Variants in ROPN1L observed in about 807,000 individuals in gnomAD.
ROPN1L encodes rhophilin associated tail protein 1 like.
ROPN1L carries 23 observed loss-of-function variants against 22.7 expected under a neutral mutation model. The ratio of observed to expected loss-of-function variants is 1.01; its 90% CI spans 0.73 to 1.43. The LOEUF is 1.43. Ranked by LOEUF, ROPN1L falls within the 40% of genes most tolerant of loss-of-function variation. ROPN1L has a pLI of 0.00. For synonymous variants in ROPN1L, 116 were observed against 117.8 expected, an observed-to-expected ratio of 0.98 and a Z score of 0.10; for missense variants, 271 against 291.5, an observed-to-expected ratio of 0.93 and a Z score of 0.51.
chr5:10,451,399 C>A (rs1741246975), intron 3 of ROPN1L, among the ~76,000 whole-genome samples: 1 of 152,238 alleles, frequency 6.6e-6, no homozygotes, highest in Non-Finnish European at 1.5e-5. Flanking sequence ...GAAGTTCCTG[C>A]TTCTCGCTTC....
At chr5:10,456,651 G>T (rs773181477) in intron 3 of ROPN1L, among the ~76,000 whole-genome samples, 4 of 152,178 alleles carry the variant, frequency 2.6e-5, no homozygotes, top group Non-Finnish European at 5.9e-5. Context: ...CCACCCACAG[G>T]CCTTTGGAAT....
chr5:10,469,737 C>T (rs1015262899), downstream of ROPN1L, among the ~76,000 whole-genome samples: 1 of 152,160 alleles, frequency 6.6e-6, no homozygotes, highest in African/African-American at 2.4e-5. Context: ...TATTTGTTGG[C>T]TTCTGTATTT....
chr5:10,454,970 C>T, intron 3 of ROPN1L, among the ~76,000 whole-genome samples: 1 of 152,192 alleles, frequency 6.6e-6, no homozygotes, highest in Non-Finnish European at 1.5e-5. Context: ...GTTAGGACCA[C>T]CTTATTCAAG....
downstream of ROPN1L, among the ~76,000 whole-genome samples, chr5:10,469,343 T>G (rs868458996): frequency 7.9e-4 from 112 of 141,572 alleles, no homozygotes; most frequent in African/African-American, 2.8e-3. Flanking sequence ...AAAAATCAGC[T>G]GGAAGTGGTG....
In ROPN1L at chr5:10,442,053, G is replaced by T; in HGVS notation, c.-115G>T. On this transcript the variant is annotated 5_prime_UTR_variant, in exon 1 of 5. Transcript: ENST00000274134. Reference sequence around the variant, plus strand: ...CAACCTCGGGAACGGGATGGGAGGCGGCCCTGGCCGCAAGCCCCGCGCTGC... The same window carrying T: ...CAACCTCGGGAACGGGATGGGAGGCTGCCCTGGCCGCAAGCCCCGCGCTGC... The T allele has an allele frequency of 1.4e-6, 2 of 1,425,070 alleles. No individual in the cohort carries two copies. Among genetic ancestry groups the T allele is most frequent in the Non-Finnish European group, 1.9e-6 (2 of 1,045,396 alleles). The allele number at this position is 1,425,070 out of a possible 1,614,324, so 88.3% of individuals were successfully genotyped here. A position where few individuals can be genotyped will look rare whatever the true frequency, so the allele number is the denominator to read the frequency against.
downstream of ROPN1L, among the ~76,000 whole-genome samples, chr5:10,465,702 A>T (rs1561179698): frequency 6.6e-6 from 1 of 151,736 alleles, no homozygotes; most frequent in Non-Finnish European, 1.5e-5. Flanking sequence ...TAATAAAAAA[A>T]TTAGCCAGGC....
At chr5:10,455,130 G>A (rs963141482) in intron 3 of ROPN1L, among the ~76,000 whole-genome samples, 4 of 152,086 alleles carry the variant, frequency 2.6e-5, no homozygotes, top group Admixed American at 6.6e-5. Flanking sequence ...TCAGAACATC[G>A]CCCCATCCAG....
intron 4 of ROPN1L, among the ~76,000 whole-genome samples, chr5:10,462,530 C>T (rs547532573): frequency 2.6e-4 from 39 of 152,168 alleles, no homozygotes; most frequent in Non-Finnish European, 5.0e-4. Context: ...CATTAAGACT[C>T]ATTTATCCCA....
At chr5:10,456,925 C>G (rs1463393696) in intron 3 of ROPN1L, among the ~76,000 whole-genome samples, 3 of 152,230 alleles carry the variant, frequency 2.0e-5, no homozygotes, top group African/African-American at 7.2e-5. Flanking sequence ...TCCTTTCCGA[C>G]TCATCCTTCC....
chr5:10,467,328 A>G (rs1331143294), downstream of ROPN1L, among the ~76,000 whole-genome samples: 3 of 152,074 alleles, frequency 2.0e-5, no homozygotes, highest in African/African-American at 7.2e-5. Flanking sequence ...GGCCTTGTCT[A>G]GTTGACACAA....
At chr5:10,453,223 C>T (rs1288518375) in intron 3 of ROPN1L, among the ~76,000 whole-genome samples, 2 of 152,194 alleles carry the variant, frequency 1.3e-5, no homozygotes, top group East Asian at 1.9e-4. Flanking sequence ...CTCAGAGGAG[C>T]GTGTGCTCGT....
intron 4 of ROPN1L, 104 bp downstream of exon 4, chr5:10,461,463 C>T (rs1423003328): frequency 3.1e-6 from 3 of 969,770 alleles, no homozygotes; most frequent in African/African-American, 1.6e-5. Context: ...TTTGCTCTCT[C>T]ACCACAACAA....
downstream of ROPN1L, among the ~76,000 whole-genome samples, chr5:10,476,207 G>A (rs1046165868): frequency 6.6e-6 from 1 of 152,252 alleles, no homozygotes; most frequent in Non-Finnish European, 1.5e-5. Flanking sequence ...AGAGCGTGTT[G>A]AGGGGGCAAC....
At chr5:10,481,110 A>C in the ROPN1L span, among the ~76,000 whole-genome samples, 1 of 152,174 alleles carries the variant, frequency 6.6e-6, no homozygotes, top group African/African-American at 2.4e-5. Flanking sequence ...AGTTTGACAA[A>C]TGCTGCCTAA....
At chr5:10,471,609 T>G (rs1433644535) in intron 4 of ROPN1L, among the ~76,000 whole-genome samples, 3 of 151,600 alleles carry the variant, frequency 2.0e-5, no homozygotes, top group Admixed American at 6.6e-5. Flanking sequence ...CTGGCTGCGG[T>G]GGGGTTTTAT....
downstream of ROPN1L, among the ~76,000 whole-genome samples, chr5:10,469,018 G>A (rs560646469): frequency 1.3e-5 from 2 of 152,252 alleles, no homozygotes; most frequent in South Asian, 4.2e-4. Context: ...AGCCGGGCGT[G>A]GTGGCAGGCG....
chr5:10,448,350 G>C lies in ROPN1L; in HGVS notation c.222G>C (p.Leu74=). 6.2e-7 allele frequency: 1 copy of C among 1,614,196 alleles called. No individual in the cohort carries two copies. ...PTATQKTDTG[L]TQGLLKVLHK... ...CAACCCAGAAAACAGACACAGGCCT[G>C]ACTCAAGGACTCCTGAAAGTTTTGC... The change falls in exon 2 of 5, where the codon CTG becomes CTC. Residue 74 remains leucine (L), a synonymous_variant. Coordinates refer to ENST00000274134, the MANE Select transcript of ROPN1L (RefSeq NM_031916.5).
intron 2 of ROPN1L, among the ~76,000 whole-genome samples, chr5:10,449,033 T>G (rs1741169352): frequency 6.6e-6 from 1 of 152,248 alleles, no homozygotes; most frequent in Non-Finnish European, 1.5e-5. Flanking sequence ...CTTATCCCCA[T>G]TCTACACTGT....
intron 3 of ROPN1L, among the ~76,000 whole-genome samples, chr5:10,455,428 C>A (rs1400138329): frequency 6.6e-6 from 1 of 152,230 alleles, no homozygotes; most frequent in East Asian, 1.9e-4. Context: ...GAAGCTGTCC[C>A]TGAAGACGAA....
Sources: allele counts gnomAD v4.1 joint callset (sites outside exome capture counted in the v4.1 genomes callset), GRCh38; gene constraint gnomAD v4.1.1; transcripts MANE v1.5; gene names NCBI Gene and HGNC (gene_info 2026-07-23, HGNC 2026-07-21).